CACNA1D: variants seen among roughly 807,000 people sequenced by gnomAD.
The protein encoded by CACNA1D is calcium voltage-gated channel subunit alpha1 D, also known as voltage-dependent L-type calcium channel subunit alpha-1D.
Under a neutral mutation model 257.1 loss-of-function variants are expected in CACNA1D, and 55 were observed. The observed-to-expected ratio is 0.21, with a 90% CI of 0.17 to 0.27. The LOEUF (loss-of-function observed/expected upper bound fraction) is 0.27, where lower values mean the gene tolerates loss of function less well. CACNA1D is among the 10% of genes least tolerant of loss of function. CACNA1D has a pLI of 1.00. For missense variants in CACNA1D, 1,876 were observed against 2,784.0 expected, an observed-to-expected ratio of 0.67 and a Z score of 7.34; for synonymous variants, 980 against 1,014.9, an observed-to-expected ratio of 0.97 and a Z score of 0.65.
At position 53,495,034 on chromosome 3, in the gene CACNA1D, C is replaced by G. The variant is rs1360905277; in HGVS notation, c.-133C>G. 4.3e-5 allele frequency: 22 copies of G among 515,986 alleles called. 3 individuals are homozygous for G. Among genetic ancestry groups the G allele is most frequent in the Non-Finnish European group, 8.5e-5 (22 of 257,840 alleles). 32.0% of individuals were successfully genotyped at this position (515,986 alleles called of 1,614,324 possible). Reference sequence around the variant, plus strand: ...GTTATTTGTCCCCGTCCCTCCCCACCCCCCTGCTGAAGCGAGAATAAGGGC... The same window carrying G: ...GTTATTTGTCCCCGTCCCTCCCCACGCCCCTGCTGAAGCGAGAATAAGGGC... On this transcript the variant is annotated 5_prime_UTR_variant, in exon 1 of 48. Transcript: ENST00000350061. This position sits in a 1 kb window ranked among gnomAD's most constrained non-coding sequence, Gnocchi z 5.1.
chr3:53,661,889 C>A (rs191193819), intron 5 of CACNA1D, among the ~76,000 whole-genome samples: 1 of 152,176 alleles, frequency 6.6e-6, no homozygotes, highest in Non-Finnish European at 1.5e-5. Context: ...GTAACTCTCC[C>A]CCAGGTCAGC....
chr3:53,622,856 T>C (rs1168680493), intron 3 of CACNA1D, among the ~76,000 whole-genome samples: 1 of 151,904 alleles, frequency 6.6e-6, no homozygotes, highest in African/African-American at 2.4e-5. Flanking sequence ...TGAACTGTGA[T>C]AGAGGGAGGT....
chr3:53,517,044 A>G (rs1398649939), intron 3 of CACNA1D, among the ~76,000 whole-genome samples: 1 of 152,082 alleles, frequency 6.6e-6, no homozygotes, highest in East Asian at 1.9e-4. Flanking sequence ...CACTTTCTTC[A>G]TTGGTCATAA....
At position 53,811,319 on chromosome 3, in the gene CACNA1D, T is replaced by C; in HGVS notation, c.6399T>C (p.Phe2133=). Residue 2133 remains phenylalanine (F), a synonymous_variant, in exon 48 of 48, where the codon TTT becomes TTC. Transcript: ENST00000350061. The surrounding 1 kb of genome is among the most constrained non-coding windows in gnomAD (Gnocchi z 4.2). ...GGCAGGACTATGAGCTACAGGACTT[T>C]GGTCCTGGCTACAGCGACGAAGAGC... The part of the protein sequence containing the change: ...SHRQDYELQD[F]GPGYSDEEPD... 1 of 1,610,956 alleles carries C rather than the reference T, an allele frequency of 6.2e-7. No homozygotes were observed. The highest frequency in any genetic ancestry group is 1.1e-5 in the South Asian group (1 of 90,974).
At chr3:53,536,885 G>A (rs2092130094) in intron 3 of CACNA1D, among the ~76,000 whole-genome samples, 1 of 152,200 alleles carries the variant, frequency 6.6e-6, no homozygotes, top group Admixed American at 6.5e-5. Context: ...TCTAGATGGT[G>A]AGGAATTTTA....
Position 53,727,906 on chromosome 3 carries a change from C to G in CACNA1D, c.2221+907C>G, listed in dbSNP as rs202244082. Among the ~76,000 whole-genome samples the G allele has an allele frequency of 3.9e-5, 6 of 152,266 alleles. No homozygotes were observed. In the East Asian group the frequency reaches 7.7e-4, roughly 20 times the overall value. ...GGTAACCTCAGTGCAAACCTGCCCC[C>G]TTTTCTACAAGGACAATGCTTTGTG... On this transcript the variant is annotated intron_variant, in intron 15 of 47. Transcript: ENST00000350061.
chr3:53,500,253 TAAAAAAAAA>T (rs55823212), intron 2 of CACNA1D, among the ~76,000 whole-genome samples: 3 of 40,932 alleles, frequency 7.3e-5, no homozygotes, highest in South Asian at 1.8e-3. Flanking sequence ...CTGTCTCTAC[TAAAAAAAAA>T]AAAAAAAAAA....
chr3:53,619,372 G>C (rs192253831), intron 3 of CACNA1D, among the ~76,000 whole-genome samples: 2 of 152,174 alleles, frequency 1.3e-5, no homozygotes, highest in African/African-American at 2.4e-5. Flanking sequence ...ATAGGTTCAG[G>C]TTATTTCTTT....
intron 40 of CACNA1D, chr3:53,798,149 C>T (rs150624412): frequency 6.6e-6 from 1 of 152,334 alleles, no homozygotes; most frequent in East Asian, 1.9e-4. Flanking sequence ...GTTCCTGCAG[C>T]TGTGCTGTGT....
chr3:53,764,590 G>A (rs1048433950), intron 30 of CACNA1D, among the ~76,000 whole-genome samples: 8 of 152,202 alleles, frequency 5.3e-5, no homozygotes, highest in Non-Finnish European at 1.2e-4. Context: ...GCTGGCAGGG[G>A]TGTAGCACCC....
chr3:53,712,787 G>C (rs76711850), intron 9 of CACNA1D, among the ~76,000 whole-genome samples: 1,548 of 152,282 alleles, frequency 0.01, 30 homozygotes, highest in African/African-American at 0.034. Context: ...AAATTCCTGA[G>C]TGTGCAAAAA....
At chr3:53,512,063 G>A (rs1288202731) in intron 3 of CACNA1D, among the ~76,000 whole-genome samples, 1 of 152,122 alleles carries the variant, frequency 6.6e-6, no homozygotes, top group Non-Finnish European at 1.5e-5. Flanking sequence ...AGCTTAAATG[G>A]GTAAAATGCT....
chr3:53,517,189 T>C (rs2091371560), intron 3 of CACNA1D, among the ~76,000 whole-genome samples: 1 of 150,122 alleles, frequency 6.7e-6, no homozygotes, highest in East Asian at 2.0e-4. Context: ...GGCTTCATCT[T>C]GCCTTCTAAT....
chr3:53,577,124 A>T (rs983194852), intron 3 of CACNA1D, among the ~76,000 whole-genome samples: 5 of 152,108 alleles, frequency 3.3e-5, no homozygotes, highest in African/African-American at 1.2e-4. Context: ...CGCTGGCCCC[A>T]TTGTTTACTG....
At chr3:53,682,386 A>AAC (rs1460282259) in intron 8 of CACNA1D, among the ~76,000 whole-genome samples, 79 of 147,334 alleles carry the variant, frequency 5.4e-4, no homozygotes, top group Non-Finnish European at 1.1e-3. Context: ...AAAAAAAAAA[A>AAC]AAAAAAAAAA....
intron 8 of CACNA1D, among the ~76,000 whole-genome samples, chr3:53,686,832 T>C (rs542054460): frequency 5.3e-5 from 8 of 152,118 alleles, no homozygotes; most frequent in Non-Finnish European, 8.8e-5. Flanking sequence ...GGCAGAAAGA[T>C]TGGAAAGAAA....
chr3:53,693,129 C>T (rs13062035), intron 8 of CACNA1D, among the ~76,000 whole-genome samples: 8,245 of 152,232 alleles, frequency 0.054, 272 homozygotes, highest in Non-Finnish European at 0.062. Context: ...CCCATTTTCT[C>T]GTCCTTTTTG....
chr3:53,670,501 C>T (rs937079967), intron 7 of CACNA1D, among the ~76,000 whole-genome samples: 6 of 152,060 alleles, frequency 3.9e-5, no homozygotes, highest in South Asian at 2.1e-4. Context: ...CTTGCTACCA[C>T]GCCCAGCTAA....
chr3:53,732,703 A>C (rs2095009953), intron 18 of CACNA1D, 112 bp from the exon 19 acceptor site: 6 of 948,084 alleles, frequency 6.3e-6, no homozygotes, highest in Non-Finnish European at 1.0e-5. Flanking sequence ...GATTCATGTA[A>C]GCAGGTAGAT....
Sources: gnomAD v4.1 joint callset for allele counts (sites outside exome capture counted in the v4.1 genomes callset) on GRCh38, gnomAD v4.1.1 for gene constraint, Gnocchi (gnomAD v3.1) non-coding constraint, MANE v1.5 for transcripts, NCBI Gene and HGNC (gene_info 2026-07-23, HGNC 2026-07-21) for gene names.